TNPO3: variants seen among roughly 807,000 people sequenced by gnomAD.
TNPO3 encodes the protein transportin-3.
TNPO3 carries 65 observed loss-of-function variants against 122.8 expected under a neutral mutation model. The ratio of observed to expected loss-of-function variants is 0.53; its 90% confidence interval spans 0.43 to 0.65. TNPO3 has a LOEUF of 0.65. Among genes scored for constraint, TNPO3 ranks in the 30% least tolerant of loss-of-function variants. The pLI is 0.00. For missense variants in TNPO3, 850 were observed against 1,136.7 expected (o/e 0.75, Z 3.63); for synonymous variants, 372 against 411.2 (o/e 0.90, Z 1.15).
At chr7:128,960,541 G>C (rs1797339256) in intron 21 of TNPO3, among the ~76,000 whole-genome samples, 1 of 146,418 alleles carries the variant, frequency 6.8e-6, no homozygotes, top group Admixed American at 6.8e-5. Context: ...ATGTGTTTGT[G>C]TCTTAGCTTT....
At chr7:129,045,256 G>C (rs2150551321) in intron 1 of TNPO3, among the ~76,000 whole-genome samples, 1 of 152,236 alleles carries the variant, frequency 6.6e-6, no homozygotes, top group Admixed American at 6.5e-5. Flanking sequence ...TTTACAAGAT[G>C]AAAAAGTTTT....
intron 16 of TNPO3, 60 bp downstream of exon 16, chr7:128,978,923 C>A: frequency 6.3e-7 from 1 of 1,595,288 alleles, no homozygotes; most frequent in Non-Finnish European, 8.6e-7. Flanking sequence ...TGAGCCACCG[C>A]ACCCTGCCTA....
chr7:129,050,073 T>C (rs1244697682), intron 1 of TNPO3, among the ~76,000 whole-genome samples: 3 of 152,008 alleles, frequency 2.0e-5, no homozygotes, highest in Non-Finnish European at 2.9e-5. Context: ...TTCTTTTTTT[T>C]CTTTTTTTAA....
intron 10 of TNPO3, among the ~76,000 whole-genome samples, chr7:128,990,945 T>C (rs571603644): frequency 1.4e-4 from 21 of 152,062 alleles, no homozygotes; most frequent in African/African-American, 5.1e-4. Flanking sequence ...TAAAAAATTA[T>C]AATCATGCAG....
intron 1 of TNPO3, among the ~76,000 whole-genome samples, chr7:129,039,565 A>C (rs935445143): frequency 2.0e-5 from 3 of 152,168 alleles, no homozygotes; most frequent in Non-Finnish European, 4.4e-5. Flanking sequence ...GTCTAAAAAA[A>C]AATAAATAAA....
chr7:129,000,352 G>T, intron 7 of TNPO3, 77 bp downstream of exon 7: 1 of 1,367,342 alleles, frequency 7.3e-7, no homozygotes, highest in Non-Finnish European at 9.7e-7. Flanking sequence ...AAAAATTTGG[G>T]CACGAGGTAA....
At position 129,054,911 on chromosome 7, in the gene TNPO3, A is replaced by G; in HGVS notation, c.-141T>C. The G allele has an allele frequency of 1.8e-6, 2 of 1,124,070 alleles. No homozygotes were observed. Among genetic ancestry groups the G allele is most frequent in the Non-Finnish European group, 2.5e-6 (2 of 792,184 alleles). 69.6% of individuals were successfully genotyped at this position (1,124,070 alleles called of 1,614,324 possible). A position where few individuals can be genotyped will look rare whatever the true frequency, so the allele number is the denominator to read the frequency against. On this transcript the variant is annotated 5_prime_UTR_variant, in exon 1 of 23. Transcript: ENST00000265388. The stretch of plus-strand genomic sequence containing the variant: ...CATCTCCTCCTCTTTGGCCGTTACC[A>G]GGGCAGAAGGCTCTCCGTGGAAGTT...
intron 14 of TNPO3, 61 bp downstream of exon 14, chr7:128,982,187 T>C (rs909459993): frequency 7.0e-7 from 1 of 1,423,648 alleles, no homozygotes; most frequent in Non-Finnish European, 9.8e-7. Context: ...CTTACTTCAA[T>C]ATACAATGGT....
chr7:128,989,263 C>T (rs539652767), intron 11 of TNPO3, among the ~76,000 whole-genome samples: 3 of 152,154 alleles, frequency 2.0e-5, no homozygotes, highest in African/African-American at 7.2e-5. Flanking sequence ...ACAGGAAACA[C>T]ATCAAACTTA....
chr7:128,963,127 C>T (rs1046520231), intron 21 of TNPO3, among the ~76,000 whole-genome samples: 2 of 152,204 alleles, frequency 1.3e-5, no homozygotes, highest in Admixed American at 1.3e-4. Flanking sequence ...TGATCACATA[C>T]TATGTGCAAG....
At chr7:128,995,041 C>A (rs1331674588) in intron 8 of TNPO3, among the ~76,000 whole-genome samples, 5 of 152,130 alleles carry the variant, frequency 3.3e-5, no homozygotes, top group African/African-American at 1.2e-4. Context: ...TTCAAGTGAT[C>A]CTCCTGCCTT....
intron 19 of TNPO3, 27 bp from the exon 20 acceptor site, chr7:128,970,342 G>C: frequency 6.5e-7 from 1 of 1,542,588 alleles, no homozygotes; most frequent in East Asian, 2.3e-5. Context: ...AGGAACATCA[G>C]ATAAATTCTA....
intron 6 of TNPO3, 103 bp from the exon 7 acceptor site, chr7:129,000,670 G>A: frequency 8.6e-7 from 1 of 1,157,868 alleles, no homozygotes. Context: ...TCAGTCTAAG[G>A]GACATCTAGT....
At chr7:129,037,891 T>G (rs560611311) in intron 1 of TNPO3, among the ~76,000 whole-genome samples, 2 of 152,046 alleles carry the variant, frequency 1.3e-5, no homozygotes, top group African/African-American at 4.8e-5. Flanking sequence ...AAAAAACTAT[T>G]TTGCACAATA....
chr7:129,008,127 C>T (rs1408997443), intron 4 of TNPO3, among the ~76,000 whole-genome samples: 1 of 150,546 alleles, frequency 6.6e-6, no homozygotes, highest in African/African-American at 2.5e-5. Context: ...CCAGCCTGGG[C>T]GACAGAGCAA....
chr7:129,055,096 T>C lies in TNPO3; in HGVS notation c.-326A>G. ...TATCTTGGGAGGCCACACACCAGTGTACCTAAGGTTCGTTTACCCGGACCG... is the reference window on the plus strand; with the variant it reads ...TATCTTGGGAGGCCACACACCAGTGCACCTAAGGTTCGTTTACCCGGACCG... On this transcript the variant is annotated 5_prime_UTR_variant, in exon 1 of 23. Coordinates refer to ENST00000265388, the MANE Select transcript of TNPO3 (RefSeq NM_012470.4). The C allele has an allele frequency of 3.4e-6, 1 of 291,662 alleles. No individual in the cohort carries two copies. Among genetic ancestry groups the C allele is most frequent in the South Asian group, 3.9e-5 (1 of 25,698 alleles). The allele number at this position is 291,662 out of a possible 1,614,324, so 18.1% of individuals were successfully genotyped here.
intron 1 of TNPO3, among the ~76,000 whole-genome samples, chr7:129,022,221 C>T (rs1804604590): frequency 1.3e-5 from 2 of 151,918 alleles, no homozygotes; most frequent in African/African-American, 4.8e-5. Context: ...TCTGTCTCTA[C>T]AAAAAATTTA....
intron 4 of TNPO3, 104 bp from the exon 5 acceptor site, chr7:129,005,263 C>G: frequency 8.9e-7 from 1 of 1,121,144 alleles, no homozygotes; most frequent in South Asian, 1.7e-5. Flanking sequence ...GGCAATAAAA[C>G]AGCCAACGGT....
At chr7:128,984,288 A>G in intron 12 of TNPO3, 29 bp from the exon 13 acceptor site, 1 of 1,543,676 alleles carries the variant, frequency 6.5e-7, no homozygotes, top group Non-Finnish European at 8.9e-7. Flanking sequence ...TACAAATGAA[A>G]AATAAACGCT....
Sources: allele counts gnomAD v4.1 joint callset (sites outside exome capture counted in the v4.1 genomes callset), GRCh38; gene constraint gnomAD v4.1.1; transcripts MANE v1.5; gene names NCBI Gene and HGNC (gene_info 2026-07-23, HGNC 2026-07-21).